Variants in POF1B observed in about 807,000 individuals in gnomAD.
POF1B encodes protein POF1B.
In POF1B, 53 loss-of-function variants were observed where a neutral mutation model predicts 55.3. The ratio of observed to expected loss-of-function variants is 0.96; its 90% CI spans 0.77 to 1.20. The LOEUF is 1.20. Ranked by LOEUF, POF1B falls within the 50% of genes most tolerant of loss-of-function variation. POF1B has a pLI of 0.00. For synonymous variants in POF1B, 188 were observed against 148.3 expected (o/e 1.27, Z -1.95); for missense variants, 478 against 420.5 (o/e 1.14, Z -1.20).
At chrX:85,305,604 AT>A (rs934357305) in intron 13 of POF1B, among the ~76,000 whole-genome samples, 186 bp downstream of exon 13, 1 of 112,058 alleles carries the variant, frequency 8.9e-6, no homozygotes, top group African/African-American at 3.2e-5. Context: ...ATTAAGCTAA[AT>A]TAGAAAATCA....
In POF1B at chrX:85,306,348, C is replaced by T; in HGVS notation, c.1165-15G>A. On this transcript the variant is annotated splice_polypyrimidine_tract_variant and intron_variant, in intron 11 of 16. Transcript: ENST00000262753. ...TGAAGTCCTTGCTGTAAAGAAGACACAAGTACATAAGACAAATGCATTTTG... is the reference window on the plus strand; with the variant it reads ...TGAAGTCCTTGCTGTAAAGAAGACATAAGTACATAAGACAAATGCATTTTG... 8.3e-7 allele frequency: 1 copy of T among 1,198,651 alleles called. No individual in the cohort carries two copies. The highest frequency in any genetic ancestry group is 1.1e-6 in the Non-Finnish European group (1 of 889,602).
chrX:85,308,219 G>T lies in POF1B; in HGVS notation c.958-3C>A. ...GACTTATCAGACATACCCCTCATCT[G>T]CAGGAAGAAAGGATTAATGGTTTAG... On this transcript the variant is annotated splice_polypyrimidine_tract_variant and splice_region_variant and intron_variant, in intron 9 of 16. Transcript: ENST00000262753. 5.4e-6 allele frequency: 6 copies of T among 1,118,393 alleles called. No homozygotes were observed. The highest frequency in any genetic ancestry group is 7.2e-6 in the Non-Finnish European group (6 of 834,527). The allele number at this position is 1,118,393 out of a possible 1,213,427, so 92.2% of individuals were successfully genotyped here.
chrX:85,367,753 G>C lies in POF1B; in HGVS notation c.296C>G (p.Pro99Arg), dbSNP rs780579790. 1.0e-5 allele frequency: 12 copies of C among 1,143,717 alleles called. No homozygotes were observed. Among genetic ancestry groups the C allele is most frequent in the Non-Finnish European group, 1.4e-5 (12 of 853,861 alleles). The allele number at this position is 1,143,717 out of a possible 1,213,427, so 94.3% of individuals were successfully genotyped here. A position where few individuals can be genotyped will look rare whatever the true frequency, so the allele number is the denominator to read the frequency against. The change falls in exon 3 of 17, where the codon CCA becomes CGA. Residue 99 changes from proline (P) to arginine (R), a missense_variant. Coordinates refer to ENST00000262753, the MANE Select transcript of POF1B (RefSeq NM_024921.4). ...WSDHSQELHSPTLKISTCAPS... is the reference protein window; with the variant it reads ...WSDHSQELHSRTLKISTCAPS... ...GGCACATGTAGATATTTTTAAAGTT[G>C]GAGAATGGAGTTCCTGTTAAGAGAA...
rs761215467 is a variant in POF1B, at chrX:85,379,355, G to A, written c.100C>T (p.His34Tyr). 8.3e-7 allele frequency: 1 copy of A among 1,209,836 alleles called. No individual in the cohort carries two copies. The highest frequency in any genetic ancestry group is 2.2e-5 in the Admixed American group (1 of 45,782). The change falls in exon 2 of 17, where the codon CAT becomes TAT. Residue 34 changes from histidine (H) to tyrosine (Y), a missense_variant. Coordinates refer to ENST00000262753, the MANE Select transcript of POF1B (RefSeq NM_024921.4). ...QCQPQHYHCY[H>Y]QSSQAQQPPE... Reference sequence around the variant, plus strand: ...GGCTGCTGGGCTTGGCTTGACTGATGGTAGCAGTGGTAATGCTGGGGCTGG... The same window carrying A: ...GGCTGCTGGGCTTGGCTTGACTGATAGTAGCAGTGGTAATGCTGGGGCTGG...
intron 9 of POF1B, among the ~76,000 whole-genome samples, chrX:85,310,752 C>T (rs754117577): frequency 1.8e-5 from 2 of 111,428 alleles, no homozygotes; most frequent in Non-Finnish European, 3.8e-5. Flanking sequence ...CTGAGCATAT[C>T]CCAAACAATA....
chrX:85,279,303 A>G lies in POF1B; in HGVS notation c.*118T>C, dbSNP rs1469692954. On this transcript the variant is annotated 3_prime_UTR_variant, in exon 17 of 17. Coordinates refer to ENST00000262753, the MANE Select transcript of POF1B (RefSeq NM_024921.4). Reference sequence around the variant, plus strand: ...CATTCCATTAGATTTCTTGGGTAGCAGCATGGTTCCAAATTCTGATTGGCC... The same window carrying G: ...CATTCCATTAGATTTCTTGGGTAGCGGCATGGTTCCAAATTCTGATTGGCC... 7 of 709,559 alleles carry G rather than the reference A, an allele frequency of 9.9e-6. No individual in the cohort carries two copies. The highest frequency in any genetic ancestry group is 1.3e-5 in the Non-Finnish European group (6 of 473,940). The allele number at this position is 709,559 out of a possible 1,213,427, so 58.5% of individuals were successfully genotyped here.
intron 6 of POF1B, among the ~76,000 whole-genome samples, chrX:85,336,877 A>G (rs1357773792): frequency 9.0e-6 from 1 of 111,570 alleles, no homozygotes; most frequent in African/African-American, 3.3e-5. Context: ...TGCCCAGTCC[A>G]ATGTCCTGAA....
chrX:85,295,679 G>C (rs148442980), intron 15 of POF1B, among the ~76,000 whole-genome samples: 103 of 111,941 alleles, frequency 9.2e-4, no homozygotes, highest in Non-Finnish European at 1.9e-3. Flanking sequence ...TCTGTGTGCA[G>C]TGGAAGTCTG....
intron 15 of POF1B, among the ~76,000 whole-genome samples, chrX:85,296,803 A>T (rs1359659489): frequency 8.9e-6 from 1 of 111,993 alleles, no homozygotes; most frequent in Non-Finnish European, 1.9e-5. Context: ...AGATTGAGGA[A>T]ATTTTCATGG....
At chrX:85,346,507 T>A (rs1933274308) in intron 5 of POF1B, among the ~76,000 whole-genome samples, 1 of 110,223 alleles carries the variant, frequency 9.1e-6, no homozygotes, top group African/African-American at 3.3e-5. Flanking sequence ...GGAGCAAAGT[T>A]CTTATCCTTA....
In POF1B at chrX:85,304,362, A is replaced by G; in HGVS notation, c.1547T>C (p.Leu516Pro). 8.4e-7 allele frequency: 1 copy of G among 1,190,295 alleles called. No individual in the cohort carries two copies. Among genetic ancestry groups the G allele is most frequent in the Non-Finnish European group, 1.1e-6 (1 of 884,287 alleles). Residue 516 changes from leucine (L) to proline (P), a missense_variant, in exon 14 of 17, where the codon CTC becomes CCC. Physicochemically the swap from Leu to Pro is moderately conservative, Grantham distance 98 (BLOSUM62 -3). Coordinates refer to ENST00000262753, the MANE Select transcript of POF1B (RefSeq NM_024921.4). ...TTATACCTCTGACTGACGCTTTATG[A>G]GGGAATCCTTCTCTTCCAGCAAGCT... ...LTSLLEEKDS[L>P]IKRQSEELSK...
At chrX:85,366,973 T>C (rs188611511) in intron 3 of POF1B, among the ~76,000 whole-genome samples, 5 of 111,402 alleles carry the variant, frequency 4.5e-5, no homozygotes, top group Non-Finnish European at 1.9e-5. Flanking sequence ...ATTTGTCTCC[T>C]CACTGTCCAA....
rs917261323 is a variant in POF1B, at chrX:85,283,638, A to G, written c.1650-1321T>C. Among the ~76,000 whole-genome samples, 3 of 110,836 alleles carry G rather than the reference A, an allele frequency of 2.7e-5. No individual in the cohort carries two copies. In the East Asian group the frequency reaches 8.5e-4, roughly 32 times the overall value. On this transcript the variant is annotated intron_variant, in intron 15 of 16. Transcript: ENST00000262753. ...GATTGGTGGTGGAAAAAAATAATTGACATAATGACCAAATTATTTCCAAGC... is the reference window on the plus strand; with the variant it reads ...GATTGGTGGTGGAAAAAAATAATTGGCATAATGACCAAATTATTTCCAAGC...
chrX:85,322,346 G>A (rs778460351), intron 7 of POF1B, among the ~76,000 whole-genome samples: 1,455 of 110,893 alleles, frequency 0.013, 32 homozygotes, highest in African/African-American at 0.046. Flanking sequence ...AATGGGGAAA[G>A]GATTCCCTAT....
At chrX:85,374,606 G>T (rs183565521) in intron 2 of POF1B, among the ~76,000 whole-genome samples, 158 of 112,279 alleles carry the variant, frequency 1.4e-3, no homozygotes, top group Admixed American at 3.0e-3. Flanking sequence ...GAAGGTTTGT[G>T]TATGCTCCTG....
At chrX:85,316,352 G>A (rs911016799) in intron 7 of POF1B, among the ~76,000 whole-genome samples, 2 of 111,589 alleles carry the variant, frequency 1.8e-5, no homozygotes, top group Non-Finnish European at 3.8e-5. Flanking sequence ...GCATCATAAT[G>A]AGGATTTGGT....
chrX:85,353,322 C>T (rs1308617872), intron 4 of POF1B, among the ~76,000 whole-genome samples: 1 of 110,734 alleles, frequency 9.0e-6, no homozygotes, highest in Non-Finnish European at 1.9e-5. Flanking sequence ...GAAGTCCTTA[C>T]ATGCTTTTAA....
intron 15 of POF1B, among the ~76,000 whole-genome samples, chrX:85,292,466 G>A (rs1932213272): frequency 9.0e-6 from 1 of 111,672 alleles, no homozygotes; most frequent in South Asian, 3.8e-4. Flanking sequence ...AGCTAGGGAG[G>A]AGTCCCTCTT....
chrX:85,361,456 T>C (rs1268301700), intron 3 of POF1B, among the ~76,000 whole-genome samples: 1 of 111,668 alleles, frequency 9.0e-6, no homozygotes, highest in African/African-American at 3.3e-5. Flanking sequence ...GCTCCATTTA[T>C]TGAATAGGGA....
Sources: gnomAD v4.1 joint callset for allele counts (sites outside exome capture counted in the v4.1 genomes callset) on GRCh38, gnomAD v4.1.1 for gene constraint, MANE v1.5 for transcripts, NCBI Gene and HGNC (gene_info 2026-07-23, HGNC 2026-07-21) for gene names.